Variants in ANKDD1A observed in about 807,000 individuals in gnomAD.
The protein encoded by ANKDD1A is ankyrin repeat and death domain containing 1A, also known as ankyrin repeat and death domain-containing protein 1A.
In ANKDD1A, 59 loss-of-function variants were observed where a neutral mutation model predicts 63.5. The ratio of observed to expected loss-of-function variants is 0.93; its 90% CI spans 0.75 to 1.15. The LOEUF (loss-of-function observed/expected upper bound fraction) is 1.15, where lower values mean the gene tolerates loss of function less well. Among genes scored for constraint, ANKDD1A ranks in the 50% most tolerant of loss-of-function variants. The pLI is 0.00. For missense variants in ANKDD1A, 632 were observed against 656.4 expected (o/e 0.96, Z 0.41); for synonymous variants, 266 against 263.9 (o/e 1.01, Z -0.08).
At chr15:64,917,749 C>T (rs561297266) in intron 3 of ANKDD1A, among the ~76,000 whole-genome samples, 45 of 152,298 alleles carry the variant, frequency 3.0e-4, no homozygotes, top group Non-Finnish European at 5.9e-4. Context: ...CCTTTTCAGT[C>T]CCTCATGATA....
intron 10 of ANKDD1A, among the ~76,000 whole-genome samples, chr15:64,943,078 C>T (rs1271296690): frequency 6.6e-6 from 1 of 152,222 alleles, no homozygotes; most frequent in African/African-American, 2.4e-5. Context: ...TGTGTGAGCA[C>T]TGCTGGGAAC....
intron 6 of ANKDD1A, among the ~76,000 whole-genome samples, chr15:64,928,975 T>C (rs1300402326): frequency 6.6e-6 from 1 of 152,200 alleles, no homozygotes; most frequent in African/African-American, 2.4e-5. Context: ...TGGGGGCATG[T>C]GTTGGCCCTT....
chr15:64,950,624 G>A lies in ANKDD1A; in HGVS notation c.1483+652G>A, dbSNP rs1253685241. 4.2e-5 allele frequency: 41 copies of A among 985,030 alleles called. No homozygotes were observed. In the Middle Eastern group the frequency reaches 2.1e-3, roughly 50 times the overall value. The allele number at this position is 985,030 out of a possible 1,614,324, so 61.0% of individuals were successfully genotyped here. A position where few individuals can be genotyped will look rare whatever the true frequency, so the allele number is the denominator to read the frequency against. On this transcript the variant is annotated intron_variant, in intron 14 of 14. Transcript: ENST00000319580. The stretch of plus-strand genomic sequence containing the variant: ...CTAGGCAGCCACTGATAGTTGTGAA[G>A]TCTCCATTAGATATGAGGCAACAAA...
rs976171770 is a variant in ANKDD1A, at chr15:64,915,840, C to T, written c.78C>T (p.Asn26=). 6 of 1,613,982 alleles carry T rather than the reference C, an allele frequency of 3.7e-6. No homozygotes were observed. Among genetic ancestry groups the T allele is most frequent in the Non-Finnish European group, 5.1e-6 (6 of 1,179,996 alleles). The change falls in exon 2 of 15, where the codon AAC becomes AAT. Residue 26 remains asparagine (N), a synonymous_variant. Transcript: ENST00000319580. ...ERQLHEAARQ[N]NVGRMQELIG... ...AGCTCCACGAGGCCGCCCGCCAGAA[C>T]AATGTCGGCAGGATGCAGGAGCTGA...
intron 7 of ANKDD1A, 28 bp downstream of exon 7, chr15:64,930,948 T>C (rs778810080): frequency 1.2e-6 from 2 of 1,601,266 alleles, no homozygotes; most frequent in East Asian, 4.5e-5. Context: ...GATGGCGAGA[T>C]GCATGACCCT....
chr15:64,953,153 CT>C (rs1595859916), intron 14 of ANKDD1A, among the ~76,000 whole-genome samples: 1 of 6,316 alleles, frequency 1.6e-4, no homozygotes, highest in Non-Finnish European at 5.6e-4. Context: ...CCTTTTTCTC[CT>C]TTCTTCTTTC....
At chr15:64,937,589 G>A (rs914141538) in intron 9 of ANKDD1A, among the ~76,000 whole-genome samples, 1 of 152,050 alleles carries the variant, frequency 6.6e-6, no homozygotes, top group African/African-American at 2.4e-5. Context: ...TTAGCCAGGT[G>A]TGGTGGCACA....
intron 2 of ANKDD1A, among the ~76,000 whole-genome samples, chr15:64,916,322 C>CT (rs1376153649): frequency 6.6e-6 from 1 of 150,404 alleles, no homozygotes; most frequent in Non-Finnish European, 1.5e-5. Context: ...GGAGGGTCGG[C>CT]TTTTTTTCTT....
At chr15:64,943,416 G>A (rs2085199661) in intron 10 of ANKDD1A, 68 bp from the exon 11 acceptor site, 4 of 1,295,744 alleles carry the variant, frequency 3.1e-6, no homozygotes, top group African/African-American at 2.9e-5. Context: ...CATTGTGCGG[G>A]CTGACTTAGG....
chr15:64,941,851 G>C (rs565041276), intron 9 of ANKDD1A, among the ~76,000 whole-genome samples: 3 of 152,112 alleles, frequency 2.0e-5, no homozygotes, highest in Admixed American at 6.5e-5. Context: ...CTTGGAGTGA[G>C]GTATCTTTTC....
intron 9 of ANKDD1A, among the ~76,000 whole-genome samples, chr15:64,940,433 TATATAGATA>T (rs2085172585): frequency 1.4e-5 from 1 of 73,340 alleles, no homozygotes; most frequent in Non-Finnish European, 3.3e-5. Context: ...GATAGATAGA[TATATAGATA>T]TTTTTTTTGA....
chr15:64,934,744 C>G (rs1180204909), intron 9 of ANKDD1A, among the ~76,000 whole-genome samples: 1 of 151,058 alleles, frequency 6.6e-6, no homozygotes, highest in Non-Finnish European at 1.5e-5. Context: ...TCTTGAACCC[C>G]TGACTCAAGT....
At chr15:64,952,574 CTCCT>C (rs2085312694) in intron 14 of ANKDD1A, among the ~76,000 whole-genome samples, 1 of 74,156 alleles carries the variant, frequency 1.3e-5, no homozygotes, top group Admixed American at 1.7e-4. Context: ...CGTTCTTCTT[CTCCT>C]TCTTTTCTTC....
At chr15:64,948,816 ACT>A (rs1324207252) in intron 13 of ANKDD1A, among the ~76,000 whole-genome samples, 1 of 151,830 alleles carries the variant, frequency 6.6e-6, no homozygotes, top group African/African-American at 2.4e-5. Context: ...ACAGAGTGAG[ACT>A]CTGTCTCCCA....
chr15:64,950,491 C>G (rs2085260967), intron 14 of ANKDD1A: 1 of 985,242 alleles, frequency 1.0e-6, no homozygotes, highest in African/African-American at 1.7e-5. Flanking sequence ...ATAGAAGGTT[C>G]TAGTACTAAT....
chr15:64,929,210 G>C (rs1211991294), intron 6 of ANKDD1A, among the ~76,000 whole-genome samples: 1 of 152,056 alleles, frequency 6.6e-6, no homozygotes, highest in Non-Finnish European at 1.5e-5. Context: ...ATCTTACTCT[G>C]TTGCCCAGGC....
chr15:64,920,042 TC>T (rs1178563456), intron 3 of ANKDD1A: 1 of 152,116 alleles, frequency 6.6e-6, no homozygotes, highest in African/African-American at 2.4e-5. Context: ...CAAACACAGT[TC>T]CCTCCCTAAG....
intron 14 of ANKDD1A, among the ~76,000 whole-genome samples, chr15:64,955,418 C>T (rs1013310765): frequency 6.6e-6 from 1 of 152,100 alleles, no homozygotes; most frequent in Non-Finnish European, 1.5e-5. Context: ...TCTTATTTCT[C>T]ATTATTTGAA....
At chr15:64,947,353 T>A (rs1372737258) in intron 12 of ANKDD1A, 51 bp from the exon 13 acceptor site, 1 of 1,580,558 alleles carries the variant, frequency 6.3e-7, no homozygotes, top group African/African-American at 1.3e-5. Context: ...GCACTGCCCC[T>A]GTCTGGGATC....
Sources: allele counts gnomAD v4.1 joint callset (sites outside exome capture counted in the v4.1 genomes callset), GRCh38; gene constraint gnomAD v4.1.1; transcripts MANE v1.5; gene names NCBI Gene and HGNC (gene_info 2026-07-23, HGNC 2026-07-21).